HPSE2: variants seen among roughly 807,000 people sequenced by gnomAD.
HPSE2 encodes inactive heparanase-2.
HPSE2 carries 38 observed loss-of-function variants against 60.5 expected under a neutral mutation model. The observed-to-expected ratio is 0.63, with a 90% CI of 0.48 to 0.82. HPSE2 has a LOEUF of 0.82. Ranked by LOEUF, HPSE2 falls within the 40% of genes least tolerant of loss-of-function variation. HPSE2 has a pLI of 0.00. For synonymous variants in HPSE2, 295 were observed against 293.2 expected (o/e 1.01, Z -0.06); for missense variants, 713 against 740.4 (o/e 0.96, Z 0.43).
At chr10:98,896,846 C>T (rs1367243243) in intron 3 of HPSE2, among the ~76,000 whole-genome samples, 2 of 152,112 alleles carry the variant, frequency 1.3e-5, no homozygotes, top group African/African-American at 2.4e-5. Flanking sequence ...AATTTGGTAA[C>T]TTATATGAAA....
At chr10:98,782,914 T>TTA (rs201298393) in intron 3 of HPSE2, among the ~76,000 whole-genome samples, 1 of 42,290 alleles carries the variant, frequency 2.4e-5, no homozygotes, top group African/African-American at 9.7e-5. Flanking sequence ...GTTTGTTTAT[T>TTA]TTTTTTTTTT....
chr10:98,619,487 TTC>T lies in HPSE2; in HGVS notation c.1205+1113_1205+1114del, dbSNP rs548727839. Among the ~76,000 whole-genome samples, 555 of 152,290 alleles carry T rather than the reference TTC, an allele frequency of 3.6e-3. 2 individuals carry two copies. The highest frequency in any genetic ancestry group is 6.1e-3 in the Non-Finnish European group (417 of 68,024). On this transcript the variant is annotated intron_variant, in intron 8 of 11. Transcript: ENST00000370552. ...ACAAGTCAGATTCTCCAGATTTTTT[TTC>T]TCTCTCTCTGTCTCTCTCCTTCACA...
chr10:99,106,973 C>A (rs141886295), intron 3 of HPSE2, among the ~76,000 whole-genome samples: 1 of 152,078 alleles, frequency 6.6e-6, no homozygotes, highest in Non-Finnish European at 1.5e-5. Flanking sequence ...TGGATGCAAG[C>A]GATTCTCCTG....
chr10:99,281,842 C>A, the HPSE2 span, among the ~76,000 whole-genome samples: 1 of 151,808 alleles, frequency 6.6e-6, no homozygotes. Context: ...TAAGAAGATA[C>A]AAAGACACAA....
At chr10:99,160,244 C>A (rs1846772272) in intron 2 of HPSE2, among the ~76,000 whole-genome samples, 1 of 151,592 alleles carries the variant, frequency 6.6e-6, no homozygotes, top group African/African-American at 2.4e-5. Flanking sequence ...AAAAAGACAA[C>A]CCAATTTTTA....
In HPSE2 at chr10:99,075,492, A is replaced by G. The variant is rs199790152; in HGVS notation, c.610+68746T>C. The stretch of plus-strand genomic sequence containing the variant: ...TGTTTGGTACCTTTGAGAAAAATAT[A>G]TATTCCTCTGTTGTTGGGTTAAATA... On this transcript the variant is annotated intron_variant, in intron 3 of 11. Coordinates refer to ENST00000370552, the MANE Select transcript of HPSE2 (RefSeq NM_021828.5). 1.1e-4 allele frequency among the ~76,000 whole-genome samples: 17 copies of G among 152,238 alleles called. No homozygotes were observed. The East Asian group carries it at 3.3e-3, about 29-fold the overall frequency.
At chr10:98,472,709 T>A (rs1325854818) in intron 11 of HPSE2, among the ~76,000 whole-genome samples, 2 of 152,198 alleles carry the variant, frequency 1.3e-5, no homozygotes, top group Non-Finnish European at 2.9e-5. Context: ...AAAATAAAGA[T>A]GCATATTGAT....
the HPSE2 span, among the ~76,000 whole-genome samples, chr10:99,247,676 T>G: frequency 2.6e-5 from 4 of 152,190 alleles, no homozygotes; most frequent in Admixed American, 2.6e-4. Context: ...ATGACACCCA[T>G]AGGCTTAAAG....
chr10:99,148,976 T>C (rs1325261267), intron 2 of HPSE2, among the ~76,000 whole-genome samples: 1 of 151,744 alleles, frequency 6.6e-6, no homozygotes, highest in African/African-American at 2.4e-5. Flanking sequence ...CTAAAGAACT[T>C]ATGCATGTAA....
At chr10:99,028,768 T>C (rs1273825631) in intron 3 of HPSE2, among the ~76,000 whole-genome samples, 1 of 152,060 alleles carries the variant, frequency 6.6e-6, no homozygotes, top group East Asian at 1.9e-4. Context: ...AACAGCAATA[T>C]ACTATCATTA....
intron 8 of HPSE2, among the ~76,000 whole-genome samples, chr10:98,619,162 G>C (rs1946003637): frequency 6.6e-6 from 1 of 151,990 alleles, no homozygotes; most frequent in African/African-American, 2.4e-5. Context: ...AATGGAAGCT[G>C]CATAATTAAG....
At chr10:99,186,104 CCACACACACA>C (rs527839752) in intron 2 of HPSE2, among the ~76,000 whole-genome samples, 133 of 80,752 alleles carry the variant, frequency 1.6e-3, no homozygotes, top group African/African-American at 3.9e-3. Flanking sequence ...GGATAAATAA[CCACACACACA>C]CACACACACA....
chr10:98,546,125 T>C (rs1943664675), intron 9 of HPSE2, among the ~76,000 whole-genome samples: 1 of 134,518 alleles, frequency 7.4e-6, no homozygotes, highest in Non-Finnish European at 1.7e-5. Flanking sequence ...CAAGGAGAAC[T>C]ACAAGCCACT....
chr10:98,622,471 G>GA (rs1443930517), intron 7 of HPSE2, among the ~76,000 whole-genome samples: 4 of 152,146 alleles, frequency 2.6e-5, no homozygotes, highest in Non-Finnish European at 4.4e-5. Flanking sequence ...CCTTCAAAAA[G>GA]AAAAAATATA....
intron 9 of HPSE2, among the ~76,000 whole-genome samples, chr10:98,543,457 G>T (rs895255195): frequency 1.8e-4 from 27 of 151,664 alleles, no homozygotes; most frequent in African/African-American, 5.8e-4. Flanking sequence ...CATAATGACA[G>T]GATCAAATTC....
At chr10:98,907,163 C>T (rs996422461) in intron 3 of HPSE2, among the ~76,000 whole-genome samples, 2 of 151,982 alleles carry the variant, frequency 1.3e-5, no homozygotes, top group East Asian at 1.9e-4. Context: ...TGTTAGAATC[C>T]GAGAAGATGA....
chr10:99,230,396 G>A (rs183047957), intron 2 of HPSE2, among the ~76,000 whole-genome samples: 336 of 152,260 alleles, frequency 2.2e-3, no homozygotes, highest in Non-Finnish European at 3.9e-3. Context: ...CCTATGAGTG[G>A]TGAAAAACTA....
intron 2 of HPSE2, among the ~76,000 whole-genome samples, chr10:99,156,339 C>A (rs1405777791): frequency 7.0e-6 from 1 of 141,892 alleles, no homozygotes; most frequent in African/African-American, 2.5e-5. Context: ...AACATTGACG[C>A]AAAAATCCTC....
At chr10:98,624,996 AC>A (rs371562498) in intron 7 of HPSE2, among the ~76,000 whole-genome samples, 16 of 152,370 alleles carry the variant, frequency 1.1e-4, no homozygotes, top group African/African-American at 3.8e-4. Context: ...TTTCCTAGAA[AC>A]CTTGAACCAT....
Sources: gnomAD v4.1 joint callset for allele counts (sites outside exome capture counted in the v4.1 genomes callset) on GRCh38, gnomAD v4.1.1 for gene constraint, MANE v1.5 for transcripts, NCBI Gene and HGNC (gene_info 2026-07-23, HGNC 2026-07-21) for gene names.